Variants in MACC1 observed in about 807,000 individuals in gnomAD.
The protein encoded by MACC1 is MET transcriptional regulator MACC1, also known as metastasis-associated in colon cancer protein 1.
MACC1 carries 79 observed loss-of-function variants against 70.7 expected under a neutral mutation model. That is an observed-to-expected ratio of 1.12 (90% CI 0.93 to 1.35). The LOEUF (loss-of-function observed/expected upper bound fraction) is 1.35. Among genes scored for constraint, MACC1 ranks in the 40% most tolerant of loss-of-function variants. The pLI, the probability that MACC1 is intolerant of heterozygous loss-of-function variation, is 0.00. For synonymous variants in MACC1, 361 were observed against 347.2 expected (o/e 1.04, Z -0.44); for missense variants, 1,106 against 978.1 (o/e 1.13, Z -1.74).
intron 5 of MACC1, among the ~76,000 whole-genome samples, chr7:20,157,987 T>C (rs1252157887): frequency 6.6e-6 from 1 of 152,184 alleles, no homozygotes; most frequent in Admixed American, 6.5e-5. Context: ...TTTTAAAAGA[T>C]GATCCTGGTT....
At position 20,135,049 on chromosome 7, in the gene MACC1, A is replaced by G. The variant is rs1020253829; in HGVS notation, c.*5897T>C. On this transcript the variant is annotated 3_prime_UTR_variant, in exon 7 of 7. Transcript: ENST00000400331. Reference sequence around the variant, plus strand: ...GCATATAGATAGCTGTATTGATCACATTGATTAAAAACATTTTTTTCAATG... The same window carrying G: ...GCATATAGATAGCTGTATTGATCACGTTGATTAAAAACATTTTTTTCAATG... 1 of 152,256 alleles carries G rather than the reference A, an allele frequency of 6.6e-6. No individual in the cohort carries two copies. The highest frequency in any genetic ancestry group is 1.9e-4 in the East Asian group (1 of 5,204). 9.4% of individuals were successfully genotyped at this position (152,256 alleles called of 1,614,324 possible).
chr7:20,206,148 G>C (rs1421309176), intron 1 of MACC1, among the ~76,000 whole-genome samples: 4 of 151,462 alleles, frequency 2.6e-5, no homozygotes, highest in Non-Finnish European at 5.9e-5. Flanking sequence ...CCTTGGGTTA[G>C]CCTTTATTAT....
At position 20,158,782 on chromosome 7, in the gene MACC1, T is replaced by C; in HGVS notation, c.1579A>G (p.Ile527Val). The C allele has an allele frequency of 6.2e-7, 1 of 1,614,156 alleles. No individual in the cohort carries two copies. The highest frequency in any genetic ancestry group is 8.5e-7 in the Non-Finnish European group (1 of 1,180,024). ...TTTGGTGATAAAGGAGCAGACTTGATTTCCTCCTTCTTCTGCAAATAGCCT... is the reference window on the plus strand; with the variant it reads ...TTTGGTGATAAAGGAGCAGACTTGACTTCCTCCTTCTTCTGCAAATAGCCT... ...LPGYLQKKEEIKSAPLSPKIL... is the reference protein window; with the variant it reads ...LPGYLQKKEEVKSAPLSPKIL... Residue 527 changes from isoleucine (I) to valine (V), a missense_variant, in exon 5 of 7, where the codon ATC (isoleucine) becomes GTC (valine). Ile to Val is a conservative substitution (Grantham distance 29, BLOSUM62 3). Transcript: ENST00000400331.
chr7:20,216,910 A>T (rs1364184503), intron 1 of MACC1, among the ~76,000 whole-genome samples: 1 of 152,174 alleles, frequency 6.6e-6, no homozygotes, highest in Non-Finnish European at 1.5e-5. Context: ...ATCTATCTTC[A>T]AAGCACAGTC....
intron 1 of MACC1, chr7:20,198,384 A>C (rs1782785231): frequency 6.6e-6 from 1 of 152,256 alleles, no homozygotes; most frequent in African/African-American, 2.4e-5. Flanking sequence ...ATAAAGAGCC[A>C]AGCATATCAT....
At chr7:20,167,162 G>C (rs1782233221) in intron 2 of MACC1, among the ~76,000 whole-genome samples, 1 of 151,702 alleles carries the variant, frequency 6.6e-6, no homozygotes, top group Non-Finnish European at 1.5e-5. Flanking sequence ...CTAGAAAGTT[G>C]GCTCTACCAT....
chr7:20,139,056 A>G lies in MACC1; in HGVS notation c.*1890T>C, dbSNP rs558913639. ...TGGGTATATTAAAAGCCCTAAAAAGATTCTGCTTTTACTTTTTAGCCAAAT... is the reference window on the plus strand; with the variant it reads ...TGGGTATATTAAAAGCCCTAAAAAGGTTCTGCTTTTACTTTTTAGCCAAAT... On this transcript the variant is annotated 3_prime_UTR_variant, in exon 7 of 7. Transcript: ENST00000400331. The G allele has an allele frequency of 2.9e-4, 44 of 152,308 alleles. No individual in the cohort carries two copies. The highest frequency in any genetic ancestry group is 1.1e-3 in the African/African-American group (44 of 41,560). The allele number at this position is 152,308 out of a possible 1,614,324, so 9.4% of individuals were successfully genotyped here. A position where few individuals can be genotyped will look rare whatever the true frequency, so the allele number is the denominator to read the frequency against.
intron 5 of MACC1, among the ~76,000 whole-genome samples, chr7:20,155,148 C>T (rs1392222433): frequency 6.6e-6 from 1 of 152,008 alleles, no homozygotes; most frequent in African/African-American, 2.4e-5. Context: ...CCTTGAGTAC[C>T]ATTTTTAAAA....
intron 1 of MACC1, among the ~76,000 whole-genome samples, chr7:20,174,078 G>T (rs1303465834): frequency 6.6e-6 from 1 of 152,164 alleles, no homozygotes; most frequent in Non-Finnish European, 1.5e-5. Context: ...GATGATCTGA[G>T]GTTGCCTGAA....
At chr7:20,164,627 G>A (rs1782186939) in intron 2 of MACC1, among the ~76,000 whole-genome samples, 1 of 152,128 alleles carries the variant, frequency 6.6e-6, no homozygotes, top group Non-Finnish European at 1.5e-5. Flanking sequence ...GTTGAATTAT[G>A]CAATATTCAA....
chr7:20,211,463 G>A (rs888282602), intron 1 of MACC1, among the ~76,000 whole-genome samples: 6 of 152,060 alleles, frequency 3.9e-5, no homozygotes, highest in Non-Finnish European at 7.4e-5. Context: ...AATCTCTAAC[G>A]CCATAGGTTG....
chr7:20,171,919 G>C (rs1782314518), intron 1 of MACC1, among the ~76,000 whole-genome samples: 1 of 152,080 alleles, frequency 6.6e-6, no homozygotes, highest in East Asian at 1.9e-4. Context: ...GAAGTCTGGA[G>C]GAAAAAGCTG....
chr7:20,153,274 C>T (rs899502966), intron 6 of MACC1: 1 of 152,138 alleles, frequency 6.6e-6, no homozygotes, highest in Non-Finnish European at 1.5e-5. Context: ...GTGGTTTTGT[C>T]CTGTTCACCC....
At chr7:20,185,150 C>G (rs1037520086) in intron 1 of MACC1, 5 of 152,082 alleles carry the variant, frequency 3.3e-5, no homozygotes, top group Admixed American at 3.3e-4. Context: ...TGAATTCCTC[C>G]CAAAATTGTT....
rs552951479 is a variant in MACC1 at position 20,165,693 on chromosome 7, G to A, written c.-152-1294C>T. ...CAATGACAATTGCCGCCCAAAACAG[G>A]ATTTTTTTTTTTACTTTATCTAGAG... On this transcript the variant is annotated intron_variant, in intron 2 of 6. Transcript: ENST00000400331. 3.9e-5 allele frequency among the ~76,000 whole-genome samples: 6 copies of A among 151,912 alleles called. No homozygotes were observed. In the East Asian group the frequency reaches 5.8e-4, roughly 15 times the overall value.
chr7:20,149,367 TAATA>T (rs953318558), intron 6 of MACC1, among the ~76,000 whole-genome samples: 37 of 152,218 alleles, frequency 2.4e-4, no homozygotes, highest in African/African-American at 8.0e-4. Context: ...TTCATTAAAA[TAATA>T]AATAATATGT....
chr7:20,183,263 A>G (rs527603000), intron 1 of MACC1, among the ~76,000 whole-genome samples: 1 of 152,364 alleles, frequency 6.6e-6, no homozygotes, highest in African/African-American at 2.4e-5. Flanking sequence ...ACTGAGGGAT[A>G]TGAGCAGCCT....
intron 6 of MACC1, among the ~76,000 whole-genome samples, chr7:20,151,333 T>A (rs2128101448): frequency 6.6e-6 from 1 of 152,314 alleles, no homozygotes; most frequent in East Asian, 1.9e-4. Context: ...ATGCTATTGA[T>A]TCCTTTTTTA....
chr7:20,153,038 T>C (rs979816576), intron 6 of MACC1, among the ~76,000 whole-genome samples: 2 of 152,218 alleles, frequency 1.3e-5, no homozygotes, highest in Admixed American at 6.5e-5. Context: ...TGCTATATTA[T>C]GCTTATTTAT....
Sources: gnomAD v4.1 joint callset for allele counts (sites outside exome capture counted in the v4.1 genomes callset) on GRCh38, gnomAD v4.1.1 for gene constraint, MANE v1.5 for transcripts, NCBI Gene and HGNC (gene_info 2026-07-23, HGNC 2026-07-21) for gene names.